GIT2: variants seen among roughly 807,000 people sequenced by gnomAD.
GIT2 encodes GIT ArfGAP 2.
In GIT2, 32 loss-of-function variants were observed where a neutral mutation model predicts 100.3. The ratio of observed to expected loss-of-function variants is 0.32; its 90% CI spans 0.24 to 0.43. The LOEUF (loss-of-function observed/expected upper bound fraction) is 0.43. Among genes scored for constraint, GIT2 ranks in the 20% least tolerant of loss-of-function variants. GIT2 has a pLI of 1.00. For missense variants in GIT2, 737 were observed against 975.1 expected (o/e 0.76, Z 3.25); for synonymous variants, 353 against 364.1 (o/e 0.97, Z 0.35).
intron 7 of GIT2, among the ~76,000 whole-genome samples, chr12:109,971,860 G>T (rs1883951308): frequency 6.6e-6 from 1 of 151,804 alleles, no homozygotes; most frequent in African/African-American, 2.4e-5. Context: ...CAGGCATGGT[G>T]GGGGGCACCT....
At chr12:109,963,840 G>T (rs1275547160) in intron 9 of GIT2, among the ~76,000 whole-genome samples, 1 of 152,176 alleles carries the variant, frequency 6.6e-6, no homozygotes, top group South Asian at 2.1e-4. Context: ...ACTCTGAGCA[G>T]TTCTGGCCGG....
intron 1 of GIT2, among the ~76,000 whole-genome samples, chr12:109,993,164 AT>A (rs754041661): frequency 5.3e-5 from 8 of 152,172 alleles, no homozygotes; most frequent in Non-Finnish European, 1.2e-4. Flanking sequence ...GAAACAAGGA[AT>A]AATTTCATAC....
chr12:109,935,959 G>A (rs1395832438), intron 18 of GIT2, among the ~76,000 whole-genome samples: 1 of 152,162 alleles, frequency 6.6e-6, no homozygotes, highest in East Asian at 1.9e-4. Flanking sequence ...TGCATAATAT[G>A]TCATAATCCC....
rs182386350 is a variant in GIT2, at chr12:109,934,419, A to G, written c.2004-334T>C. Among the ~76,000 whole-genome samples the G allele has an allele frequency of 3.7e-4, 56 of 152,348 alleles. No homozygotes were observed. Among genetic ancestry groups the G allele is most frequent in the African/African-American group, 1.3e-3 (54 of 41,572 alleles). ...TGTGTTTCATCGTCCCAATTTCTAGAAAGAGAAAGGATTTCCATGCAAAAG... is the reference window on the plus strand; with the variant it reads ...TGTGTTTCATCGTCCCAATTTCTAGGAAGAGAAAGGATTTCCATGCAAAAG... On this transcript the variant is annotated intron_variant, in intron 18 of 19. Transcript: ENST00000355312. This position sits in a 1 kb window ranked among gnomAD's most constrained non-coding sequence, Gnocchi z 4.5.
rs1873598383 is a variant in GIT2 at position 109,938,244 on chromosome 12, G to A, written c.2003+136C>T. On this transcript the variant is annotated intron_variant, in intron 18 of 19. Transcript: ENST00000355312. ...AAACCAAAACTGACATTGTTCTTAA[G>A]CCTGTTATGTAGACTTGTTTTCAAT... 2.5e-5 allele frequency: 15 copies of A among 605,650 alleles called. No homozygotes were observed. The South Asian group carries it at 3.3e-4, about 13-fold the overall frequency. 37.5% of individuals were successfully genotyped at this position (605,650 alleles called of 1,614,324 possible).
intron 7 of GIT2, among the ~76,000 whole-genome samples, chr12:109,968,986 C>T (rs184475409): frequency 2.0e-5 from 3 of 150,898 alleles, no homozygotes; most frequent in African/African-American, 4.9e-5. Flanking sequence ...AGCCTCCCAA[C>T]GTGCTGAGAT....
rs59956597 is a variant in GIT2 at position 109,988,848 on chromosome 12, CAAAAAAAAAA to C, written c.405+105_405+114del. 1,328 of 204,948 alleles carry C rather than the reference CAAAAAAAAAA, an allele frequency of 6.5e-3. 5 individuals carry two copies. The highest frequency in any genetic ancestry group is 5.1e-3 in the Non-Finnish European group (585 of 114,732). The allele number at this position is 204,948 out of a possible 1,614,324, so 12.7% of individuals were successfully genotyped here. A position where few individuals can be genotyped will look rare whatever the true frequency, so the allele number is the denominator to read the frequency against. Reference sequence around the variant, plus strand: ...CGCCTGGGTAACAGAGACTCTGTCTCAAAAAAAAAAAAAAAAAAAAAAAGCCCACAACCAG... The same window carrying C: ...CGCCTGGGTAACAGAGACTCTGTCTCAAAAAAAAAAAAAGCCCACAACCAG... On this transcript the variant is annotated intron_variant, in intron 4 of 19. Transcript: ENST00000355312.
intron 7 of GIT2, among the ~76,000 whole-genome samples, chr12:109,978,076 GTTTTTTTTTT>G (rs111855474): frequency 4.3e-5 from 4 of 93,498 alleles, no homozygotes; most frequent in African/African-American, 1.2e-4. Context: ...AAATTTAGAG[GTTTTTTTTTT>G]TTTTTTTTTT....
chr12:109,937,763 C>T (rs1873449884), intron 18 of GIT2, among the ~76,000 whole-genome samples: 1 of 152,192 alleles, frequency 6.6e-6, no homozygotes, highest in Non-Finnish European at 1.5e-5. Context: ...AGTGCAGTGG[C>T]ATGATCTTGG....
At chr12:109,946,164 G>A (rs754565502) in intron 15 of GIT2, among the ~76,000 whole-genome samples, 1 of 152,040 alleles carries the variant, frequency 6.6e-6, no homozygotes. Flanking sequence ...TTAGTTCAGT[G>A]GCATTCCCAT....
At chr12:109,940,444 A>G (rs569363103) in intron 16 of GIT2, 1 of 152,322 alleles carries the variant, frequency 6.6e-6, no homozygotes, top group Non-Finnish European at 1.5e-5. Flanking sequence ...AAGTTAATCA[A>G]AACATGGGAC....
In GIT2 at chr12:109,938,385, A is replaced by G; in HGVS notation, c.1998T>C (p.His666=). 6.2e-7 allele frequency: 1 copy of G among 1,611,376 alleles called. No homozygotes were observed. Residue 666 remains histidine, a synonymous_variant, in exon 18 of 20, where the codon CAT becomes CAC. Coordinates refer to ENST00000355312, the MANE Select transcript of GIT2 (RefSeq NM_057169.5). ...GGGTCTTCAATCCTGCTTACCTGTC[A>G]TGTTTATTTTCTTGGGCTGCTCTTA... ...ELLRAAQENK[H]DSYIPCSERI... is the part of the protein sequence containing the mutation.
At chr12:109,968,356 C>T (rs1390066995) in intron 7 of GIT2, among the ~76,000 whole-genome samples, 2 of 152,010 alleles carry the variant, frequency 1.3e-5, no homozygotes, top group Non-Finnish European at 1.5e-5. Context: ...TTTGCCATCC[C>T]ATATCTTGTC....
At chr12:109,981,641 C>T (rs1035226877) in intron 6 of GIT2, 3 of 152,504 alleles carry the variant, frequency 2.0e-5, no homozygotes, top group African/African-American at 7.2e-5. Context: ...TCAATTTGCA[C>T]AACAGAAAAT....
intron 7 of GIT2, among the ~76,000 whole-genome samples, chr12:109,970,541 C>T (rs1883596989): frequency 6.6e-6 from 1 of 152,118 alleles, no homozygotes; most frequent in African/African-American, 2.4e-5. Flanking sequence ...CTTCCTCCAC[C>T]ACTGAACTGA....
At chr12:109,939,520 C>A in intron 16 of GIT2, 1 of 274,360 alleles carries the variant, frequency 3.6e-6, no homozygotes, top group Non-Finnish European at 7.1e-6. Context: ...GCAACATATC[C>A]TCATTTAGTT....
At position 109,939,203 on chromosome 12, in the gene GIT2, G is replaced by T; in HGVS notation, c.1776C>A (p.Tyr592Ter). ...GCTCCATGTCGTTGGGAGTGTTGTC[G>T]TAGTCACTCTCAGGTGTGCTGTTCT... ...EKQNSTPESD[Y>*]DNTPNDMEPD... Residue 592 changes from tyrosine (Y) to a stop codon, truncating the protein, a stop_gained, in exon 17 of 20, where the codon TAC becomes TAA. Transcript: ENST00000355312. LOFTEE classifies it high-confidence loss of function. The T allele has an allele frequency of 6.2e-7, 1 of 1,611,024 alleles. No individual in the cohort carries two copies. The highest frequency in any genetic ancestry group is 8.5e-7 in the Non-Finnish European group (1 of 1,177,354).
rs183240034 is a variant in GIT2 at position 109,977,754 on chromosome 12, G to A, written c.718+3198C>T. Among the ~76,000 whole-genome samples, 9 of 150,578 alleles carry A rather than the reference G, an allele frequency of 6.0e-5. No homozygotes were observed. In the East Asian group the frequency reaches 1.0e-3, roughly 17 times the overall value. ...AGAGAATCGCTTGAACCTGGGAGGCGGAGGTTTCAGTGAGCCAAGATTGCA... is the reference window on the plus strand; with the variant it reads ...AGAGAATCGCTTGAACCTGGGAGGCAGAGGTTTCAGTGAGCCAAGATTGCA... On this transcript the variant is annotated intron_variant, in intron 7 of 19. Transcript: ENST00000355312.
At chr12:109,994,784 C>T (rs570014473) in intron 1 of GIT2, among the ~76,000 whole-genome samples, 13 of 152,182 alleles carry the variant, frequency 8.5e-5, no homozygotes, top group Non-Finnish European at 1.8e-4. Context: ...AAATACATCA[C>T]GGTAAGTTCA....
Sources: allele counts gnomAD v4.1 joint callset (sites outside exome capture counted in the v4.1 genomes callset), GRCh38; gene constraint gnomAD v4.1.1; non-coding constraint Gnocchi (gnomAD v3.1); transcripts MANE v1.5; gene names NCBI Gene and HGNC (gene_info 2026-07-23, HGNC 2026-07-21).